Variants in DNAJC5 observed in about 807,000 individuals in gnomAD.
The protein encoded by DNAJC5 is dnaJ homolog subfamily C member 5.
DNAJC5 carries 1 observed loss-of-function variant against 23.2 expected under a neutral mutation model. That is an observed-to-expected ratio of 0.04 (90% confidence interval 0.02 to 0.20). The LOEUF (loss-of-function observed/expected upper bound fraction) is 0.20. DNAJC5 is among the 10% of genes least tolerant of loss of function. The probability of loss-of-function intolerance (pLI) is 1.00; values close to 1 mark genes in which losing one functional copy is unlikely to be tolerated. For synonymous variants in DNAJC5, 136 were observed against 120.0 expected (o/e 1.13, Z -0.87); for missense variants, 180 against 267.0 (o/e 0.67, Z 2.27).
At chr20:63,921,849 G>A (rs1243155698) in intron 1 of DNAJC5, among the ~76,000 whole-genome samples, 3 of 151,946 alleles carry the variant, frequency 2.0e-5, no homozygotes, top group Non-Finnish European at 4.4e-5. Context: ...TGCAATTTCA[G>A]TTCACTGCAA....
At chr20:63,918,806 G>T (rs2053536964) in intron 1 of DNAJC5, among the ~76,000 whole-genome samples, 1 of 152,192 alleles carries the variant, frequency 6.6e-6, no homozygotes, top group South Asian at 2.1e-4. Flanking sequence ...GTGTTAGCCA[G>T]GATGGTCTCG....
rs148806424 is a variant in DNAJC5, at chr20:63,907,347, G to A, written c.-12+12024G>A. Among the ~76,000 whole-genome samples the A allele has an allele frequency of 5.7e-3, 863 of 152,256 alleles. 5 individuals are homozygous for A. Among genetic ancestry groups the A allele is most frequent in the Middle Eastern group, 0.014 (4 of 294 alleles). On this transcript the variant is annotated intron_variant, in intron 1 of 4. Coordinates refer to ENST00000360864, the MANE Select transcript of DNAJC5 (RefSeq NM_025219.3). ...TTCCTGAGTCTCAGTCTTCTTAGCC[G>A]AAAAGCACAGATCATCATCATAATA... is the stretch of plus-strand genomic sequence containing the variant.
At chr20:63,913,868 C>T (rs538891090) in intron 1 of DNAJC5, among the ~76,000 whole-genome samples, 53 of 152,336 alleles carry the variant, frequency 3.5e-4, no homozygotes, top group African/African-American at 1.2e-3. Context: ...CGTGAGCCAC[C>T]GCGCCAGGCC....
rs559174835 is a variant in DNAJC5, at chr20:63,934,822, C to T, written c.*3254C>T. On this transcript the variant is annotated 3_prime_UTR_variant, in exon 5 of 5. Transcript: ENST00000360864. ...CAGAAGAGGCCCTGGAGCCTCACGC[C>T]GTCGAGGCTGCTCTCAGGCGTTCTG... is the stretch of plus-strand genomic sequence containing the variant. 3.9e-5 allele frequency: 6 copies of T among 152,366 alleles called. No individual in the cohort carries two copies. In the East Asian group the frequency reaches 7.7e-4, roughly 20 times the overall value. 9.4% of individuals were successfully genotyped at this position (152,366 alleles called of 1,614,324 possible). A position where few individuals can be genotyped will look rare whatever the true frequency, so the allele number is the denominator to read the frequency against.
At chr20:63,913,497 A>G (rs1208849246) in intron 1 of DNAJC5, among the ~76,000 whole-genome samples, 1 of 151,762 alleles carries the variant, frequency 6.6e-6, no homozygotes, top group Non-Finnish European at 1.5e-5. Context: ...CCTGGGTTCA[A>G]GTGATTCTCC....
intron 1 of DNAJC5, among the ~76,000 whole-genome samples, chr20:63,898,977 C>T (rs989939199): frequency 1.1e-4 from 17 of 152,210 alleles, no homozygotes; most frequent in Middle Eastern, 3.2e-3. Flanking sequence ...CCTCCTGCCC[C>T]GCCATAGGCC....
At chr20:63,903,191 TC>T (rs914717068) in intron 1 of DNAJC5, among the ~76,000 whole-genome samples, 12 of 151,672 alleles carry the variant, frequency 7.9e-5, no homozygotes, top group Non-Finnish European at 4.4e-5. Flanking sequence ...AGGTTGGCCT[TC>T]CTGGGCTCGA....
In DNAJC5 at chr20:63,928,311, C is replaced by G; in HGVS notation, c.-11-24C>G. On this transcript the variant is annotated intron_variant, in intron 1 of 4. Transcript: ENST00000360864. This position sits in a 1 kb window ranked among gnomAD's most constrained non-coding sequence, Gnocchi z 4.6. ...GTACTTTCATCTATACTTTGTGATA[C>G]TTTCTTTTTATTTTTTCTTCTAGAA... The G allele has an allele frequency of 1.3e-6, 2 of 1,584,546 alleles. No homozygotes were observed. The highest frequency in any genetic ancestry group is 1.7e-6 in the Non-Finnish European group (2 of 1,155,196).
rs2053646592 is a variant in DNAJC5 at position 63,929,610 on chromosome 20, G to A, written c.321+85G>A. 2 of 1,417,724 alleles carry A rather than the reference G, an allele frequency of 1.4e-6. No individual in the cohort carries two copies. Among genetic ancestry groups the A allele is most frequent in the South Asian group, 1.2e-5 (1 of 85,834 alleles). The allele number at this position is 1,417,724 out of a possible 1,614,324, so 87.8% of individuals were successfully genotyped here. ...AGTCTCTCCTGCCGTGCGGGCACCCGAGTCACTCCTGCCGTGCGGGCACCC... is the reference window on the plus strand; with the variant it reads ...AGTCTCTCCTGCCGTGCGGGCACCCAAGTCACTCCTGCCGTGCGGGCACCC... On this transcript the variant is annotated intron_variant, in intron 3 of 4. Transcript: ENST00000360864. The surrounding 1 kb of genome is among the most constrained non-coding windows in gnomAD (Gnocchi z 8.6).
Position 63,896,910 on chromosome 20 carries a change from G to A in DNAJC5, c.-12+1587G>A, listed in dbSNP as rs375471223. On this transcript the variant is annotated intron_variant, in intron 1 of 4. Transcript: ENST00000360864. ...GCCTTGTCACCCGGAAGTCCTTGTC[G>A]GTGAGGACTGAGCATGTAGAGGTAA... Among the ~76,000 whole-genome samples, 201 of 152,198 alleles carry A rather than the reference G, an allele frequency of 1.3e-3. 1 individual carries two copies. The highest frequency in any genetic ancestry group is 0.011 in the South Asian group (52 of 4,824).
In DNAJC5 at chr20:63,933,931, G is replaced by A. The variant is rs1376672308; in HGVS notation, c.*2363G>A. On this transcript the variant is annotated 3_prime_UTR_variant, in exon 5 of 5. Coordinates refer to ENST00000360864, the MANE Select transcript of DNAJC5 (RefSeq NM_025219.3). ...CCAGTGGACCATTTTGTAGAACCAT[G>A]CAGCTCCCTGCGGAAGGTGGGGTAG... The A allele has an allele frequency of 6.6e-6, 1 of 152,446 alleles. No individual in the cohort carries two copies. Among genetic ancestry groups the A allele is most frequent in the Admixed American group, 6.5e-5 (1 of 15,280 alleles). The allele number at this position is 152,446 out of a possible 1,614,324, so 9.4% of individuals were successfully genotyped here.
rs552159535 is a variant in DNAJC5, at chr20:63,933,383, A to G, written c.*1815A>G. ...GGCCCCCAGCTGACCCCTACTGCAG[A>G]TCCGCATGTGGACCATGAGCCGGCT... is the stretch of plus-strand genomic sequence containing the variant. On this transcript the variant is annotated 3_prime_UTR_variant, in exon 5 of 5. Transcript: ENST00000360864. 2 of 152,426 alleles carry G rather than the reference A, an allele frequency of 1.3e-5. No homozygotes were observed. Among genetic ancestry groups the G allele is most frequent in the East Asian group, 1.9e-4 (1 of 5,310 alleles). 9.4% of individuals were successfully genotyped at this position (152,426 alleles called of 1,614,324 possible). A position where few individuals can be genotyped will look rare whatever the true frequency, so the allele number is the denominator to read the frequency against.
chr20:63,907,485 G>A (rs1423724988), intron 1 of DNAJC5, among the ~76,000 whole-genome samples: 2 of 152,166 alleles, frequency 1.3e-5, no homozygotes, highest in Non-Finnish European at 2.9e-5. Context: ...AGATCGACAT[G>A]GGGAGGTGTT....
Position 63,931,670 on chromosome 20 carries a change from G to T in DNAJC5, c.*102G>T. The T allele has an allele frequency of 1.6e-6, 2 of 1,278,260 alleles. No individual in the cohort carries two copies. The highest frequency in any genetic ancestry group is 1.5e-5 in the African/African-American group (1 of 67,902). The allele number at this position is 1,278,260 out of a possible 1,614,324, so 79.2% of individuals were successfully genotyped here. The stretch of plus-strand genomic sequence containing the variant: ...GAGATGGGAAGGCAGCCTCCTGCCT[G>T]CCCTGGCCTTGCTGGGGCCCCTCCT... On this transcript the variant is annotated 3_prime_UTR_variant, in exon 5 of 5. Transcript: ENST00000360864. The surrounding 1 kb of genome is among the most constrained non-coding windows in gnomAD (Gnocchi z 9.6).
At chr20:63,926,047 CT>C (rs2053613089) in intron 1 of DNAJC5, among the ~76,000 whole-genome samples, 2 of 152,108 alleles carry the variant, frequency 1.3e-5, no homozygotes, top group Admixed American at 6.5e-5. Flanking sequence ...CCAGGATGGT[CT>C]CAATCTCCTG....
chr20:63,906,939 A>G (rs574254545), intron 1 of DNAJC5, among the ~76,000 whole-genome samples: 130 of 152,124 alleles, frequency 8.5e-4, no homozygotes, highest in Middle Eastern at 3.4e-3. Context: ...CTGCCTCTAC[A>G]AAAAATAAAA....
At chr20:63,902,833 G>A (rs975802927) in intron 1 of DNAJC5, among the ~76,000 whole-genome samples, 1 of 150,312 alleles carries the variant, frequency 6.7e-6, no homozygotes, top group Non-Finnish European at 1.5e-5. Flanking sequence ...CCGCCGCCAC[G>A]CCCAGCTAAT....
At position 63,929,267 on chromosome 20, in the gene DNAJC5, G is replaced by A. The variant is rs1177558578; in HGVS notation, c.108-45G>A. Reference sequence around the variant, plus strand: ...GATGGACGCGGCGGCGGGTGCGGGTGGAACAAAGTCCAGGGTAGAGCCAGG... The same window carrying A: ...GATGGACGCGGCGGCGGGTGCGGGTAGAACAAAGTCCAGGGTAGAGCCAGG... On this transcript the variant is annotated intron_variant, in intron 2 of 4. Transcript: ENST00000360864. This position sits in a 1 kb window ranked among gnomAD's most constrained non-coding sequence, Gnocchi z 8.6. 6.3e-7 allele frequency: 1 copy of A among 1,586,674 alleles called. No individual in the cohort carries two copies.
chr20:63,913,616 C>T (rs1203840803), intron 1 of DNAJC5, among the ~76,000 whole-genome samples: 1 of 152,026 alleles, frequency 6.6e-6, no homozygotes, highest in Non-Finnish European at 1.5e-5. Context: ...CTTTGTTGCC[C>T]AAGCTGGAGT....
Sources: allele counts gnomAD v4.1 joint callset (sites outside exome capture counted in the v4.1 genomes callset), GRCh38; gene constraint gnomAD v4.1.1; non-coding constraint Gnocchi (gnomAD v3.1); transcripts MANE v1.5; gene names NCBI Gene and HGNC (gene_info 2026-07-23, HGNC 2026-07-21).